DGLUCY: variants seen among roughly 807,000 people sequenced by gnomAD.
The protein encoded by DGLUCY is D-glutamate cyclase, also known as D-glutamate cyclase, mitochondrial.
DGLUCY carries 58 observed loss-of-function variants against 58.5 expected under a neutral mutation model. The observed-to-expected ratio is 0.99, with a 90% CI of 0.80 to 1.23. The LOEUF is 1.23. DGLUCY is among the 50% of genes most tolerant of loss of function. The pLI, the probability that DGLUCY is intolerant of heterozygous loss-of-function variation, is 0.00. For missense variants in DGLUCY, 779 were observed against 784.7 expected, an observed-to-expected ratio of 0.99 and a Z score of 0.09; for synonymous variants, 325 against 314.1, an observed-to-expected ratio of 1.03 and a Z score of -0.37.
At chr14:91,108,526 T>TGTGTGAGA (rs1265665234) in intron 1 of DGLUCY, among the ~76,000 whole-genome samples, 11,918 of 52,206 alleles carry the variant, frequency 0.23, 2,180 homozygotes, top group Non-Finnish European at 0.31. Flanking sequence ...TGTGTGTGTG[T>TGTGTGAGA]GAGAGAGAGA....
At chr14:91,086,217 A>T (rs915162940) in intron 1 of DGLUCY, among the ~76,000 whole-genome samples, 5 of 152,202 alleles carry the variant, frequency 3.3e-5, no homozygotes, top group Non-Finnish European at 7.3e-5. Context: ...CTGATTCTAT[A>T]TTATGGTGAG....
intron 1 of DGLUCY, among the ~76,000 whole-genome samples, chr14:91,144,323 G>A (rs1289862440): frequency 1.3e-5 from 2 of 152,168 alleles, no homozygotes; most frequent in Non-Finnish European, 2.9e-5. Context: ...ACTTTGGGAG[G>A]CTGAGGCAGG....
chr14:91,072,447 T>C (rs568275610), intron 1 of DGLUCY, among the ~76,000 whole-genome samples: 1 of 152,298 alleles, frequency 6.6e-6, no homozygotes, highest in Admixed American at 6.5e-5. Context: ...ATTTTTGTGG[T>C]TTACAAACAT....
At chr14:91,200,022 T>G (rs746810350) in intron 11 of DGLUCY, 117 bp downstream of exon 11, 33 of 1,327,344 alleles carry the variant, frequency 2.5e-5, no homozygotes, top group Non-Finnish European at 3.3e-5. Context: ...TGGCACGATC[T>G]TGGCTCACTG....
chr14:91,070,451 C>T (rs1298023014), intron 1 of DGLUCY, among the ~76,000 whole-genome samples: 2 of 152,286 alleles, frequency 1.3e-5, no homozygotes, highest in South Asian at 2.1e-4. Context: ...AGTCCTTCTT[C>T]TTCCTCTACC....
intron 1 of DGLUCY, among the ~76,000 whole-genome samples, chr14:91,123,363 T>A (rs2045495519): frequency 6.6e-6 from 1 of 152,044 alleles, no homozygotes; most frequent in East Asian, 1.9e-4. Flanking sequence ...CTTGAAGCAA[T>A]AAACGCTGCC....
chr14:91,060,387 C>T (rs757865793), exon 1 of DGLUCY: 1 of 1,509,396 alleles, frequency 6.6e-7, no homozygotes, highest in Non-Finnish European at 8.9e-7. Flanking sequence ...CGCCGCCGTC[C>T]GCGCTGGTCC....
intron 10 of DGLUCY, among the ~76,000 whole-genome samples, chr14:91,198,809 T>A (rs2050376209): frequency 6.6e-6 from 1 of 151,992 alleles, no homozygotes; most frequent in African/African-American, 2.4e-5. Context: ...CTGTGTGAGG[T>A]ACACAGTGTG....
intron 7 of DGLUCY, among the ~76,000 whole-genome samples, chr14:91,179,223 A>G (rs1056921710): frequency 6.6e-6 from 1 of 152,224 alleles, no homozygotes; most frequent in Non-Finnish European, 1.5e-5. Flanking sequence ...AGGAAGGCAG[A>G]AGAGGTAAAT....
At chr14:91,223,637 A>T (rs1234219810) in intron 13 of DGLUCY, 39 of 1,268,100 alleles carry the variant, frequency 3.1e-5, no homozygotes, top group Non-Finnish European at 4.0e-5. Context: ...AGGAGGGGGG[A>T]TGGAGGAGGA....
At chr14:91,104,061 C>CTTTTTTTTTTTTTTCT (rs2044540216), upstream of DGLUCY, among the ~76,000 whole-genome samples, 1 of 9,492 alleles carries the variant, frequency 1.1e-4, no homozygotes, top group Non-Finnish European at 2.1e-4. Flanking sequence ...TGAAAACATT[C>CTTTTTTTTTTTTTTCT]TTTTTTTTTT....
intron 9 of DGLUCY, among the ~76,000 whole-genome samples, chr14:91,195,674 T>TG (rs1044200054): frequency 2.7e-5 from 4 of 147,832 alleles, no homozygotes; most frequent in Admixed American, 6.7e-5. Flanking sequence ...GGTTTTGTTT[T>TG]TTTTTTTTTT....
intron 13 of DGLUCY, among the ~76,000 whole-genome samples, chr14:91,217,766 G>A (rs1035706116): frequency 5.3e-5 from 8 of 152,100 alleles, no homozygotes; most frequent in African/African-American, 1.9e-4. Context: ...GGGATTCCAG[G>A]CGTGAGCCAC....
At chr14:91,217,308 G>A (rs1767208543) in intron 13 of DGLUCY, among the ~76,000 whole-genome samples, 1 of 152,126 alleles carries the variant, frequency 6.6e-6, no homozygotes, top group South Asian at 2.1e-4. Context: ...GAGAGGGCGT[G>A]GAAGGTCTGG....
intron 1 of DGLUCY, among the ~76,000 whole-genome samples, chr14:91,093,180 A>T (rs2044341625): frequency 6.6e-6 from 1 of 152,174 alleles, no homozygotes; most frequent in African/African-American, 2.4e-5. Context: ...TGATTGCATA[A>T]TGACTATAAT....
chr14:91,187,578 T>G (rs1038861465), intron 8 of DGLUCY, among the ~76,000 whole-genome samples: 2 of 152,208 alleles, frequency 1.3e-5, no homozygotes, highest in East Asian at 3.8e-4. Flanking sequence ...TGGGTTCACC[T>G]GCATAGAATT....
At chr14:91,108,520 TGTGTGTGA>T (rs1230812088) in intron 1 of DGLUCY, among the ~76,000 whole-genome samples, 25 of 83,736 alleles carry the variant, frequency 3.0e-4, no homozygotes, top group Non-Finnish European at 4.5e-4. Context: ...TGTGTGTGTG[TGTGTGTGA>T]GAGAGAGAGA....
At chr14:91,073,911 A>G (rs998271126) in intron 1 of DGLUCY, among the ~76,000 whole-genome samples, 2 of 151,926 alleles carry the variant, frequency 1.3e-5, no homozygotes, top group East Asian at 1.9e-4. Context: ...GTGTGAGGCC[A>G]GGAGTTTAAG....
chr14:91,086,963 G>A (rs1355998774), intron 1 of DGLUCY, among the ~76,000 whole-genome samples: 2 of 152,120 alleles, frequency 1.3e-5, no homozygotes, highest in Admixed American at 6.6e-5. Context: ...ATGTTGCCCA[G>A]GCTGTAGACT....
Sources: allele counts gnomAD v4.1 joint callset (sites outside exome capture counted in the v4.1 genomes callset), GRCh38; gene constraint gnomAD v4.1.1; transcripts MANE v1.5; gene names NCBI Gene and HGNC (gene_info 2026-07-23, HGNC 2026-07-21).